Variants in FBXO34 observed in about 807,000 individuals in gnomAD.
The protein encoded by FBXO34 is F-box only protein 34.
In FBXO34, 12 loss-of-function variants were observed where a neutral mutation model predicts 24.5. That is an observed-to-expected ratio of 0.49 (90% CI 0.31 to 0.79). FBXO34 has a LOEUF of 0.79. FBXO34 is among the 30% of genes least tolerant of loss of function. The probability of loss-of-function intolerance (pLI) is 0.04; values close to 1 mark genes in which losing one functional copy is unlikely to be tolerated. For synonymous variants in FBXO34, 320 were observed against 311.9 expected (o/e 1.03, Z -0.27); for missense variants, 823 against 857.7 (o/e 0.96, Z 0.51).
the FBXO34 span, among the ~76,000 whole-genome samples, chr14:55,379,333 CA>C: frequency 6.6e-6 from 1 of 151,652 alleles, no homozygotes; most frequent in South Asian, 2.1e-4. Flanking sequence ...CCCAGGAGTT[CA>C]AGACCAGCCT....
the FBXO34 span, among the ~76,000 whole-genome samples, chr14:55,406,298 G>C: frequency 1.3e-5 from 2 of 152,208 alleles, no homozygotes; most frequent in Admixed American, 6.5e-5. Context: ...TGCAGGCACA[G>C]ACGGTTTGGC....
chr14:55,440,383 G>A, the FBXO34 span: 2 of 1,613,012 alleles, frequency 1.2e-6, no homozygotes, highest in African/African-American at 1.3e-5. Context: ...TGGGACAGTG[G>A]CGGCAGCCTC....
At chr14:55,365,803 A>G (rs1231025482), downstream of FBXO34, among the ~76,000 whole-genome samples, 4 of 152,106 alleles carry the variant, frequency 2.6e-5, no homozygotes, top group East Asian at 5.8e-4. Flanking sequence ...GACCATGGCA[A>G]TAGCTCCTGA....
At chr14:55,414,436 C>A in the FBXO34 span, 3 of 1,606,786 alleles carry the variant, frequency 1.9e-6, no homozygotes, top group Non-Finnish European at 2.5e-6. Flanking sequence ...CTTCATAGAT[C>A]TCAGAACGTT....
At chr14:55,346,411 C>T (rs1884161910) in intron 1 of FBXO34, among the ~76,000 whole-genome samples, 1 of 152,188 alleles carries the variant, frequency 6.6e-6, no homozygotes, top group Non-Finnish European at 1.5e-5. Flanking sequence ...CTAAGTGACT[C>T]AAGCTTCTGG....
At chr14:55,319,294 A>C (rs945649012) in intron 1 of FBXO34, among the ~76,000 whole-genome samples, 1 of 152,232 alleles carries the variant, frequency 6.6e-6, no homozygotes, top group East Asian at 1.9e-4. Context: ...TACAGTGTAC[A>C]TGTGATCGAT....
intron 1 of FBXO34, among the ~76,000 whole-genome samples, chr14:55,296,382 G>GTTTTT (rs1285557004): frequency 0.012 from 1,150 of 95,564 alleles, 107 homozygotes; most frequent in Non-Finnish European, 0.017. Flanking sequence ...CTGTTCTTGT[G>GTTTTT]TTTTTTTTGT....
chr14:55,289,792 C>G (rs749756746), intron 1 of FBXO34, among the ~76,000 whole-genome samples: 12 of 152,102 alleles, frequency 7.9e-5, no homozygotes, highest in Middle Eastern at 3.4e-3. Flanking sequence ...AAGGATTATT[C>G]TGCCTTGGCC....
chr14:55,396,943 T>G, the FBXO34 span, among the ~76,000 whole-genome samples: 1 of 152,188 alleles, frequency 6.6e-6, no homozygotes, highest in African/African-American at 2.4e-5. Context: ...TCTGAATTTT[T>G]AACCATTAAC....
chr14:55,373,931 G>T (rs61412126), downstream of FBXO34, among the ~76,000 whole-genome samples: 116 of 152,302 alleles, frequency 7.6e-4, 2 homozygotes, highest in African/African-American at 2.5e-3. Context: ...GATGAAGCAG[G>T]TGTGAAAAGG....
chr14:55,392,941 G>A, the FBXO34 span, among the ~76,000 whole-genome samples: 1 of 152,164 alleles, frequency 6.6e-6, no homozygotes, highest in South Asian at 2.1e-4. Flanking sequence ...AAAGGTAACA[G>A]AGTCTTTAGA....
rs543940590 is a variant in FBXO34 at position 55,322,402 on chromosome 14, T to G, written c.-10-27979T>G. ...TGCAAACTACATATAGTCTTTTCAGTTTTTACACCAATAGCAGCATTATGC... is the reference window on the plus strand; with the variant it reads ...TGCAAACTACATATAGTCTTTTCAGGTTTTACACCAATAGCAGCATTATGC... On this transcript the variant is annotated intron_variant, in intron 1 of 1. Coordinates refer to ENST00000313833, the MANE Select transcript of FBXO34 (RefSeq NM_017943.4). Among the ~76,000 whole-genome samples the G allele has an allele frequency of 4.9e-4, 75 of 152,234 alleles. 1 individual carries two copies. Among genetic ancestry groups the G allele is most frequent in the Admixed American group, 2.8e-3 (43 of 15,294 alleles).
At chr14:55,402,548 T>G in the FBXO34 span, among the ~76,000 whole-genome samples, 1 of 152,090 alleles carries the variant, frequency 6.6e-6, no homozygotes, top group Non-Finnish European at 1.5e-5. Context: ...AATGATAGTA[T>G]ATTGCCACAA....
At chr14:55,362,380 A>T (rs2140104655), downstream of FBXO34, among the ~76,000 whole-genome samples, 1 of 152,342 alleles carries the variant, frequency 6.6e-6, no homozygotes, top group East Asian at 1.9e-4. Context: ...ATATTGTGAG[A>T]ATTATCAAAA....
intron 1 of FBXO34, among the ~76,000 whole-genome samples, chr14:55,310,609 C>A (rs1028322171): frequency 6.6e-6 from 1 of 152,184 alleles, no homozygotes. Flanking sequence ...ATTAGGGTTT[C>A]TTCATGCCTG....
chr14:55,315,506 G>A (rs1882897292), intron 1 of FBXO34, among the ~76,000 whole-genome samples: 1 of 152,070 alleles, frequency 6.6e-6, no homozygotes, highest in Non-Finnish European at 1.5e-5. Flanking sequence ...TTTCATCTTG[G>A]CAGAACAGGT....
At chr14:55,283,944 A>G (rs7155054) in intron 1 of FBXO34, among the ~76,000 whole-genome samples, 47,025 of 142,726 alleles carry the variant, frequency 0.33, 7,478 homozygotes, top group Non-Finnish European at 0.34. Context: ...TTCTAAGACT[A>G]TGTGTGTGTG....
At chr14:55,366,775 C>A (rs1192419446), downstream of FBXO34, 1 of 152,578 alleles carries the variant, frequency 6.6e-6, no homozygotes, top group Admixed American at 6.5e-5. Context: ...AGTTCTATGG[C>A]TTTTTGTTTA....
intron 1 of FBXO34, among the ~76,000 whole-genome samples, chr14:55,277,333 G>GT (rs1305214728): frequency 2.0e-5 from 3 of 152,072 alleles, no homozygotes; most frequent in Non-Finnish European, 2.9e-5. Context: ...GTTTTGTTTT[G>GT]TTTTTTGAGA....
Sources: allele counts gnomAD v4.1 joint callset (sites outside exome capture counted in the v4.1 genomes callset), GRCh38; gene constraint gnomAD v4.1.1; transcripts MANE v1.5; gene names NCBI Gene and HGNC (gene_info 2026-07-23, HGNC 2026-07-21).